Variants in AUTS2 observed in about 807,000 individuals in gnomAD.
AUTS2 encodes activator of transcription and developmental regulator AUTS2.
Under a neutral mutation model 112.4 loss-of-function variants are expected in AUTS2, and 17 were observed. That is an observed-to-expected ratio of 0.15 (90% CI 0.10 to 0.23). AUTS2 has a LOEUF of 0.23. Among genes scored for constraint, AUTS2 ranks in the 10% least tolerant of loss-of-function variants. AUTS2 has a pLI of 1.00. For synonymous variants in AUTS2, 751 were observed against 702.7 expected (o/e 1.07, Z -1.09); for missense variants, 1,510 against 1,701.6 (o/e 0.89, Z 1.98).
chr7:70,311,475 A>G (rs1789746434), intron 4 of AUTS2, among the ~76,000 whole-genome samples: 1 of 152,220 alleles, frequency 6.6e-6, no homozygotes, highest in Admixed American at 6.5e-5. Flanking sequence ...CCAGTAGGGT[A>G]TAACTCCTCT....
At chr7:70,650,634 T>C (rs1159026049) in intron 5 of AUTS2, among the ~76,000 whole-genome samples, 2 of 152,350 alleles carry the variant, frequency 1.3e-5, no homozygotes, top group East Asian at 3.9e-4. Context: ...ATACAACAAT[T>C]GTGCATTTCA....
chr7:69,943,669 T>C (rs1438759581), intron 2 of AUTS2, among the ~76,000 whole-genome samples: 2 of 152,208 alleles, frequency 1.3e-5, no homozygotes, highest in Non-Finnish European at 2.9e-5. Flanking sequence ...CATCTTCATT[T>C]GGGATTTGAA....
rs1164356683 is a variant in AUTS2 at position 69,872,834 on chromosome 7, C to CTTTTTTTTT, written c.310-26434_310-26426dup. Reference sequence around the variant, plus strand: ...GGTGGCACTTGATGTAGCCTATATTCTTTTTTTTTTTTTTTTTTTTTTTTT... The same window carrying CTTTTTTTTT: ...GGTGGCACTTGATGTAGCCTATATTCTTTTTTTTTTTTTTTTTTTTTTTTTTTTTTTTTT... On this transcript the variant is annotated intron_variant, in intron 1 of 18. Coordinates refer to ENST00000342771, the MANE Select transcript of AUTS2 (RefSeq NM_015570.4). 4.4e-4 allele frequency among the ~76,000 whole-genome samples: 31 copies of CTTTTTTTTT among 70,422 alleles called. 3 individuals carry two copies. The highest frequency in any genetic ancestry group is 1.7e-3 in the East Asian group (4 of 2,290). The allele number at this position is 70,422 out of a possible 152,430, so 46.2% of individuals were successfully genotyped here.
intron 1 of AUTS2, among the ~76,000 whole-genome samples, chr7:69,679,552 C>T (rs1279520102): frequency 6.6e-6 from 1 of 152,038 alleles, no homozygotes; most frequent in East Asian, 1.9e-4. Flanking sequence ...GTAGATTGTT[C>T]GGCAGACATT....
At chr7:70,217,580 T>C (rs902236223) in intron 4 of AUTS2, among the ~76,000 whole-genome samples, 2 of 152,202 alleles carry the variant, frequency 1.3e-5, no homozygotes, top group African/African-American at 4.8e-5. Flanking sequence ...ATTCTGGGTG[T>C]GAATCAGGTA....
At chr7:70,041,734 T>C (rs1563059505) in intron 2 of AUTS2, among the ~76,000 whole-genome samples, 2 of 152,212 alleles carry the variant, frequency 1.3e-5, no homozygotes, top group Non-Finnish European at 2.9e-5. Flanking sequence ...TAAGATTCTG[T>C]GATTCTATAA....
chr7:69,713,512 G>T (rs535743435), intron 1 of AUTS2, among the ~76,000 whole-genome samples: 2 of 150,470 alleles, frequency 1.3e-5, no homozygotes, highest in South Asian at 4.2e-4. Context: ...CCAGGCTGGA[G>T]TGCAGTGGTG....
At chr7:70,781,384 A>AC (rs377740190) in intron 14 of AUTS2, 5 of 357,024 alleles carry the variant, frequency 1.4e-5, no homozygotes, top group African/African-American at 1.1e-4. Flanking sequence ...AAAAAAAAAA[A>AC]CCAGACCAAA....
At chr7:70,703,682 T>C (rs1352942306) in intron 6 of AUTS2, among the ~76,000 whole-genome samples, 4 of 152,192 alleles carry the variant, frequency 2.6e-5, no homozygotes, top group Non-Finnish European at 4.4e-5. Flanking sequence ...GAGGACATGA[T>C]GTAAAGTGCA....
At chr7:70,172,416 T>C (rs1235134290) in intron 4 of AUTS2, among the ~76,000 whole-genome samples, 3 of 152,198 alleles carry the variant, frequency 2.0e-5, no homozygotes, top group Admixed American at 2.0e-4. Context: ...CATGGGAAAT[T>C]TTATTTTCCT....
At chr7:70,070,926 A>G (rs182414991) in intron 2 of AUTS2, among the ~76,000 whole-genome samples, 8 of 151,976 alleles carry the variant, frequency 5.3e-5, no homozygotes, top group East Asian at 1.9e-4. Flanking sequence ...GAGGATTTCA[A>G]TGGGACAGAA....
intron 5 of AUTS2, among the ~76,000 whole-genome samples, chr7:70,449,606 A>G (rs976699253): frequency 3.9e-5 from 6 of 152,234 alleles, no homozygotes; most frequent in Non-Finnish European, 7.3e-5. Flanking sequence ...TTACAGGCAT[A>G]AATTCTTGAC....
At chr7:70,539,895 G>A (rs978580745) in intron 5 of AUTS2, among the ~76,000 whole-genome samples, 15 of 152,162 alleles carry the variant, frequency 9.9e-5, no homozygotes, top group Non-Finnish European at 1.5e-4. Flanking sequence ...GGTTGGCACA[G>A]GGATGGGCTC....
intron 6 of AUTS2, among the ~76,000 whole-genome samples, chr7:70,732,894 T>C (rs541713178): frequency 1.4e-4 from 21 of 152,350 alleles, no homozygotes; most frequent in African/African-American, 5.1e-4. Context: ...ACACTTGAGG[T>C]AGATGTGGCA....
intron 6 of AUTS2, among the ~76,000 whole-genome samples, chr7:70,736,010 G>C (rs1787760596): frequency 6.8e-6 from 1 of 147,980 alleles, no homozygotes; most frequent in South Asian, 2.2e-4. Context: ...CATAGGAGGA[G>C]GAAGTAATAG....
At chr7:69,714,249 A>ATGTG (rs200192496) in intron 1 of AUTS2, among the ~76,000 whole-genome samples, 10,657 of 92,334 alleles carry the variant, frequency 0.12, 604 homozygotes, top group East Asian at 0.24. Flanking sequence ...GTGTGTGTAT[A>ATGTG]TGTGTGTGTG....
intron 4 of AUTS2, among the ~76,000 whole-genome samples, chr7:70,328,004 C>T (rs1267893031): frequency 6.6e-6 from 1 of 152,132 alleles, no homozygotes; most frequent in African/African-American, 2.4e-5. Flanking sequence ...CTCCTGGTCC[C>T]AACCACTGAA....
chr7:69,961,088 G>A lies in AUTS2; in HGVS notation c.522+61590G>A, dbSNP rs536111799. On this transcript the variant is annotated intron_variant, in intron 2 of 18. Coordinates refer to ENST00000342771, the MANE Select transcript of AUTS2 (RefSeq NM_015570.4). ...AGAATGGTTTGCTGTCCATGTGTTCGCTAACTCCTCAGTATGTATTGTTGG... is the reference window on the plus strand; with the variant it reads ...AGAATGGTTTGCTGTCCATGTGTTCACTAACTCCTCAGTATGTATTGTTGG... 1.9e-4 allele frequency among the ~76,000 whole-genome samples: 29 copies of A among 152,102 alleles called. No individual in the cohort carries two copies. In the South Asian group the frequency reaches 4.8e-3, roughly 25 times the overall value.
intron 1 of AUTS2, among the ~76,000 whole-genome samples, chr7:69,693,966 T>C (rs754170970): frequency 6.6e-6 from 1 of 152,196 alleles, no homozygotes; most frequent in Admixed American, 6.5e-5. Flanking sequence ...ACTACTGTGG[T>C]CTTTACACTA....
Sources: allele counts gnomAD v4.1 joint callset (sites outside exome capture counted in the v4.1 genomes callset), GRCh38; gene constraint gnomAD v4.1.1; transcripts MANE v1.5; gene names NCBI Gene and HGNC (gene_info 2026-07-23, HGNC 2026-07-21).